The following SLC25A13 variants were observed in gnomAD, a reference collection of about 807,000 sequenced individuals.
SLC25A13 encodes electrogenic aspartate/glutamate antiporter SLC25A13, mitochondrial.
In SLC25A13, 70 loss-of-function variants were observed where a neutral mutation model predicts 85.5. The ratio of observed to expected loss-of-function variants is 0.82; its 90% CI spans 0.68 to 1.00. SLC25A13 has a LOEUF of 1.00. SLC25A13 is among the 50% of genes least tolerant of loss of function. SLC25A13 has a pLI of 0.00. For missense variants in SLC25A13, 765 were observed against 819.8 expected, an observed-to-expected ratio of 0.93 and a Z score of 0.82; for synonymous variants, 259 against 288.7, an observed-to-expected ratio of 0.90 and a Z score of 1.04.
intron 3 of SLC25A13, 87 bp downstream of exon 3, chr7:96,277,109 T>G (rs1798481049): frequency 7.5e-7 from 1 of 1,335,302 alleles, no homozygotes; most frequent in South Asian, 1.4e-5. Flanking sequence ...TGGGAAGGTA[T>G]ACATTTAATG....
intron 5 of SLC25A13, among the ~76,000 whole-genome samples, chr7:96,205,022 C>T (rs572010527): frequency 9.2e-5 from 14 of 152,294 alleles, no homozygotes; most frequent in Non-Finnish European, 1.9e-4. Flanking sequence ...ATTCTCCTGC[C>T]TCAGCCTCCC....
intron 4 of SLC25A13, among the ~76,000 whole-genome samples, chr7:96,212,105 A>G (rs1054236494): frequency 6.6e-6 from 1 of 151,740 alleles, no homozygotes; most frequent in African/African-American, 2.4e-5. Flanking sequence ...TGTGTGACCT[A>G]GGTCATTCAG....
chr7:96,206,824 C>T (rs7791446), intron 5 of SLC25A13, among the ~76,000 whole-genome samples: 151,074 of 152,306 alleles, frequency 0.99, 74,941 homozygotes, highest in Middle Eastern at 1. Context: ...GAGGAAGGCC[C>T]AGAGGCTGCT....
intron 11 of SLC25A13, among the ~76,000 whole-genome samples, chr7:96,177,694 G>A (rs1794276823): frequency 6.6e-6 from 1 of 152,216 alleles, no homozygotes. Flanking sequence ...ATGGATTTTT[G>A]TTGTTGTTGT....
chr7:96,292,200 G>T (rs1263115408), intron 2 of SLC25A13, among the ~76,000 whole-genome samples: 1 of 152,150 alleles, frequency 6.6e-6, no homozygotes, highest in Non-Finnish European at 1.5e-5. Context: ...CTCAATAGAT[G>T]CAGAAAAGGC....
intron 3 of SLC25A13, among the ~76,000 whole-genome samples, chr7:96,245,413 C>T (rs1797151369): frequency 6.6e-6 from 1 of 152,116 alleles, no homozygotes; most frequent in Non-Finnish European, 1.5e-5. Context: ...AAAGATGATT[C>T]TACATCAAGG....
intron 11 of SLC25A13, 45 bp downstream of exon 11, chr7:96,184,232 T>C (rs753017392): frequency 1.7e-5 from 27 of 1,610,232 alleles, no homozygotes; most frequent in Admixed American, 3.3e-5. Flanking sequence ...AACCAAACCT[T>C]TGAGTGTTAT....
intron 3 of SLC25A13, among the ~76,000 whole-genome samples, chr7:96,236,310 G>C (rs970460468): frequency 5.9e-5 from 9 of 152,024 alleles, no homozygotes; most frequent in Non-Finnish European, 8.8e-5. Context: ...CTCTCTCACC[G>C]AGACTCTGCG....
At chr7:96,178,182 G>T (rs554119328) in intron 11 of SLC25A13, among the ~76,000 whole-genome samples, 1 of 152,308 alleles carries the variant, frequency 6.6e-6, no homozygotes, top group Admixed American at 6.5e-5. Context: ...AGTGAGAGCA[G>T]GAATATACTG....
rs1218711814 is a variant in SLC25A13, at chr7:96,277,287, C to A, written c.121G>T (p.Val41Phe). The A allele has an allele frequency of 6.2e-7, 1 of 1,612,888 alleles. No individual in the cohort carries two copies. The highest frequency in any genetic ancestry group is 1.3e-5 in the African/African-American group (1 of 74,956). Residue 41 changes from valine to phenylalanine, a missense_variant, in exon 3 of 18, where the codon GTC becomes TTC. Transcript: ENST00000265631. The stretch of plus-strand genomic sequence containing the variant: ...CCAAAAATGTTCAAGTATCGAGTGA[C>A]AAAGTCATTGGGGGACATGAAAAAT... ...GEFFMSPNDF[V>F]TRYLNIFGES...
intron 1 of SLC25A13, among the ~76,000 whole-genome samples, chr7:96,321,394 CT>C (rs1374131545): frequency 6.6e-6 from 1 of 152,144 alleles, no homozygotes; most frequent in Non-Finnish European, 1.5e-5. Flanking sequence ...AGTCCCTGGA[CT>C]TTTTATTCAC....
intron 3 of SLC25A13, among the ~76,000 whole-genome samples, chr7:96,275,952 G>A (rs562659727): frequency 1.3e-5 from 2 of 152,248 alleles, no homozygotes; most frequent in East Asian, 1.9e-4. Flanking sequence ...GAGAGTATTC[G>A]AAGTACATAA....
At position 96,229,473 on chromosome 7, in the gene SLC25A13, G is replaced by A. The variant is rs552330929; in HGVS notation, c.328+5329C>T. Among the ~76,000 whole-genome samples, 30 of 152,212 alleles carry A rather than the reference G, an allele frequency of 2.0e-4. No homozygotes were observed. In the South Asian group the frequency reaches 2.1e-3, roughly 11 times the overall value. On this transcript the variant is annotated intron_variant, in intron 4 of 17. Coordinates refer to ENST00000265631, the MANE Select transcript of SLC25A13 (RefSeq NM_014251.3). Reference sequence around the variant, plus strand: ...ATAAGGGAATAAAAGCAGGCTGCCCGAACCAGCAGTGGCAACCTGCTCTGG... The same window carrying A: ...ATAAGGGAATAAAAGCAGGCTGCCCAAACCAGCAGTGGCAACCTGCTCTGG...
chr7:96,295,585 GAAT>G (rs1405949234), intron 2 of SLC25A13, among the ~76,000 whole-genome samples: 1 of 152,092 alleles, frequency 6.6e-6, no homozygotes, highest in Non-Finnish European at 1.5e-5. Context: ...CCCATAATGA[GAAT>G]ATTATCAGCC....
intron 14 of SLC25A13, among the ~76,000 whole-genome samples, chr7:96,142,780 TA>T (rs1457055020): frequency 1.3e-5 from 2 of 152,088 alleles, no homozygotes; most frequent in Admixed American, 6.6e-5. Flanking sequence ...CTTTTTAAAC[TA>T]AAAAAATCAA....
At chr7:96,302,229 G>T (rs1032446698) in intron 1 of SLC25A13, among the ~76,000 whole-genome samples, 1 of 152,144 alleles carries the variant, frequency 6.6e-6, no homozygotes, top group Admixed American at 6.5e-5. Context: ...AAAAGGCAGG[G>T]GGTAGGGGAG....
chr7:96,214,757 A>G (rs1795826244), intron 4 of SLC25A13, among the ~76,000 whole-genome samples: 1 of 152,118 alleles, frequency 6.6e-6, no homozygotes. Context: ...TAATTTTAAA[A>G]AAACTCAATT....
At chr7:96,192,531 A>T (rs1794895983) in intron 6 of SLC25A13, among the ~76,000 whole-genome samples, 2 of 152,254 alleles carry the variant, frequency 1.3e-5, no homozygotes, top group South Asian at 4.1e-4. Context: ...ACAGCAGCTG[A>T]CACCTGGAGG....
At chr7:96,275,089 T>G (rs907210752) in intron 3 of SLC25A13, among the ~76,000 whole-genome samples, 19 of 152,224 alleles carry the variant, frequency 1.2e-4, no homozygotes, top group African/African-American at 4.1e-4. Context: ...AATCTATATA[T>G]TACCTTGTAT....
Sources: allele counts gnomAD v4.1 joint callset (sites outside exome capture counted in the v4.1 genomes callset), GRCh38; gene constraint gnomAD v4.1.1; transcripts MANE v1.5; gene names NCBI Gene and HGNC (gene_info 2026-07-23, HGNC 2026-07-21).